OOEP: variants seen among roughly 807,000 people sequenced by gnomAD.
The protein encoded by OOEP is oocyte-expressed protein homolog.
Under a neutral mutation model 13.7 loss-of-function variants are expected in OOEP, and 16 were observed. The ratio of observed to expected loss-of-function variants is 1.16; its 90% CI spans 0.79 to 1.77. The LOEUF (loss-of-function observed/expected upper bound fraction) is 1.77, where lower values mean the gene tolerates loss of function less well. Ranked by LOEUF, OOEP falls within the 40% of genes most tolerant of loss-of-function variation. The pLI is 0.00. For synonymous variants in OOEP, 89 were observed against 77.1 expected (o/e 1.15, Z -0.81); for missense variants, 195 against 193.1 (o/e 1.01, Z -0.06).
rs750415031 is a variant in OOEP, at chr6:73,369,626, G to A, written c.167C>T (p.Ala56Val). ...ACCAAAGAGCTCGTCTGCCAGCCAT[G>A]CCTCTAGGTAGAACACCAAAGGGTC... ...LRDPLVFYLE[A>V]WLADELFGPD... Residue 56 changes from alanine (A) to valine (V), a missense_variant, in exon 1 of 3, where the codon GCA (alanine) becomes GTA (valine). By Grantham distance (64) the Ala-to-Val change is moderately conservative. Coordinates refer to ENST00000370359, the MANE Select transcript of OOEP (RefSeq NM_001080507.3). The A allele has an allele frequency of 1.2e-6, 2 of 1,613,864 alleles. No individual in the cohort carries two copies. The highest frequency in any genetic ancestry group is 1.7e-6 in the Non-Finnish European group (2 of 1,179,762).
chr6:73,376,344 G>GTTTTTGTT (rs1769137273), intron 2 of OOEP, among the ~76,000 whole-genome samples: 1 of 103,558 alleles, frequency 9.7e-6, no homozygotes, highest in Non-Finnish European at 1.9e-5. Flanking sequence ...ACAAGGGGTT[G>GTTTTTGTT]TTTTTTTTTT....
intron 2 of OOEP, among the ~76,000 whole-genome samples, chr6:73,376,344 GTTTTTTTTTTTT>G (rs70994194): frequency 9.7e-5 from 10 of 103,528 alleles, no homozygotes; most frequent in East Asian, 3.0e-4. Flanking sequence ...ACAAGGGGTT[GTTTTTTTTTTTT>G]TTTTTTTTTT....
upstream of OOEP, among the ~76,000 whole-genome samples, chr6:73,371,910 A>T (rs1226361258): frequency 6.6e-6 from 1 of 152,166 alleles, no homozygotes; most frequent in Admixed American, 6.5e-5. Flanking sequence ...CCTGGGCTAC[A>T]GAGTGAGACT....
At chr6:73,382,263 G>T (rs1012775814) in intron 2 of OOEP, among the ~76,000 whole-genome samples, 3 of 141,226 alleles carry the variant, frequency 2.1e-5, no homozygotes, top group African/African-American at 5.2e-5. Flanking sequence ...TGTTGCCCAG[G>T]CTGGAGTGTA....
At chr6:73,374,613 G>A (rs4422578), upstream of OOEP, among the ~76,000 whole-genome samples, 18,717 of 151,962 alleles carry the variant, frequency 0.12, 1,250 homozygotes, top group Middle Eastern at 0.2. Flanking sequence ...TTTGAGATGT[G>A]GTTTCACCAT....
At chr6:73,390,346 A>T (rs999941720) in intron 2 of OOEP, among the ~76,000 whole-genome samples, 5 of 151,966 alleles carry the variant, frequency 3.3e-5, no homozygotes, top group African/African-American at 1.2e-4. Context: ...GTCTCTTGGG[A>T]TTTTGGGGGT....
intron 2 of OOEP, among the ~76,000 whole-genome samples, chr6:73,394,044 T>C (rs1179472574): frequency 1.3e-5 from 2 of 152,128 alleles, no homozygotes; most frequent in African/African-American, 4.8e-5. Flanking sequence ...TGTGGGCCAT[T>C]AAATACATTT....
chr6:73,381,547 T>C (rs1288463752), intron 2 of OOEP, among the ~76,000 whole-genome samples: 2 of 152,114 alleles, frequency 1.3e-5, no homozygotes, highest in Non-Finnish European at 2.9e-5. Flanking sequence ...ACTGCAGTGT[T>C]CCAGTAAAGC....
At chr6:73,376,267 T>C (rs1279866569) in intron 2 of OOEP, among the ~76,000 whole-genome samples, 1 of 152,060 alleles carries the variant, frequency 6.6e-6, no homozygotes, top group East Asian at 1.9e-4. Flanking sequence ...TTTTTTCGTT[T>C]GTTTTTCTAA....
chr6:73,378,734 T>C (rs1247164082), intron 2 of OOEP, among the ~76,000 whole-genome samples: 1 of 151,698 alleles, frequency 6.6e-6, no homozygotes, highest in Non-Finnish European at 1.5e-5. Flanking sequence ...CGTGGTGACA[T>C]ATGCCTGTGG....
At chr6:73,390,581 CTTTT>C (rs1174507865) in intron 2 of OOEP, among the ~76,000 whole-genome samples, 1 of 135,936 alleles carries the variant, frequency 7.4e-6, no homozygotes. Flanking sequence ...TACCCAAAAA[CTTTT>C]TTTTTTTTTT....
At chr6:73,394,439 A>T in exon 2 of OOEP, 1 of 707,526 alleles carries the variant, frequency 1.4e-6, no homozygotes, top group South Asian at 1.5e-5. Context: ...ACTTGAAGCC[A>T]GAAGCCAAGA....
chr6:73,393,546 T>TA (rs1289860747), intron 2 of OOEP, among the ~76,000 whole-genome samples: 1 of 152,216 alleles, frequency 6.6e-6, no homozygotes, highest in Non-Finnish European at 1.5e-5. Context: ...TCCTTAGCTC[T>TA]AAAATTATGG....
intron 1 of OOEP, chr6:73,394,555 G>C: frequency 1.8e-6 from 1 of 556,528 alleles, no homozygotes; most frequent in Non-Finnish European, 3.2e-6. Flanking sequence ...TGTGTGTCCA[G>C]TAGGGGAGGG....
upstream of OOEP, among the ~76,000 whole-genome samples, chr6:73,370,708 ATAT>A (rs141979678): frequency 2.3e-3 from 346 of 152,350 alleles, 1 homozygote; most frequent in Non-Finnish European, 3.7e-3. Context: ...ATTTGTAGAA[ATAT>A]TGTTTGGTTG....
chr6:73,382,283 TCTCAG>T (rs1769220795), intron 2 of OOEP, among the ~76,000 whole-genome samples: 1 of 144,332 alleles, frequency 6.9e-6, no homozygotes, highest in Non-Finnish European at 1.5e-5. Flanking sequence ...AGTGGCGTGA[TCTCAG>T]CTCACCACAA....
intron 2 of OOEP, among the ~76,000 whole-genome samples, chr6:73,393,752 A>T (rs1769387388): frequency 1.3e-5 from 2 of 152,180 alleles, no homozygotes; most frequent in African/African-American, 4.8e-5. Context: ...CAACAGGTCG[A>T]ATCTGCAGTG....
intron 2 of OOEP, among the ~76,000 whole-genome samples, chr6:73,389,479 G>A (rs1178398541): frequency 6.6e-6 from 1 of 152,152 alleles, no homozygotes; most frequent in African/African-American, 2.4e-5. Context: ...TACTTGCTTA[G>A]TGAATGGTTT....
intron 2 of OOEP, chr6:73,391,310 C>T (rs1246196874): frequency 6.5e-6 from 1 of 152,796 alleles, no homozygotes; most frequent in African/African-American, 2.4e-5. Context: ...TTTCTTATAA[C>T]ATATTGGTGG....
Sources: allele counts gnomAD v4.1 joint callset (sites outside exome capture counted in the v4.1 genomes callset), GRCh38; gene constraint gnomAD v4.1.1; transcripts MANE v1.5; gene names NCBI Gene and HGNC (gene_info 2026-07-23, HGNC 2026-07-21).